ANO10: variants seen among roughly 807,000 people sequenced by gnomAD.
ANO10 encodes anoctamin-10.
Under a neutral mutation model 74.7 loss-of-function variants are expected in ANO10, and 77 were observed. The observed-to-expected ratio is 1.03, with a 90% CI of 0.86 to 1.25. The LOEUF is 1.25. ANO10 is among the 50% of genes most tolerant of loss of function. The pLI is 0.00. For missense variants in ANO10, 721 were observed against 778.1 expected, an observed-to-expected ratio of 0.93 and a Z score of 0.87; for synonymous variants, 279 against 284.9, an observed-to-expected ratio of 0.98 and a Z score of 0.21.
At chr3:43,397,651 CAG>C (rs540750613) in intron 12 of ANO10, among the ~76,000 whole-genome samples, 78 of 152,316 alleles carry the variant, frequency 5.1e-4, no homozygotes, top group African/African-American at 1.8e-3. Flanking sequence ...CTCTGAGCCT[CAG>C]AGAGCTTCCT....
rs140826049 is a variant in ANO10 at position 43,388,736 on chromosome 3, C to T, written c.1915-21762G>A. Reference sequence around the variant, plus strand: ...AAAAAAACTAATGTTTCTGAATTCACAAAGAGGATAAAGGCTAGAACCTAA... The same window carrying T: ...AAAAAAACTAATGTTTCTGAATTCATAAAGAGGATAAAGGCTAGAACCTAA... On this transcript the variant is annotated intron_variant, in intron 12 of 12. Transcript: ENST00000292246. Among the ~76,000 whole-genome samples, 340 of 152,244 alleles carry T rather than the reference C, an allele frequency of 2.2e-3. 1 individual carries two copies. Among genetic ancestry groups the T allele is most frequent in the Non-Finnish European group, 3.8e-3 (256 of 68,016 alleles).
At chr3:43,372,977 G>C in intron 12 of ANO10, 1 of 902,250 alleles carries the variant, frequency 1.1e-6, no homozygotes, top group Non-Finnish European at 1.6e-6. Flanking sequence ...ACATATTCAA[G>C]TTCTTGAAGT....
At chr3:43,518,884 G>A (rs913742944) in intron 11 of ANO10, among the ~76,000 whole-genome samples, 7 of 152,068 alleles carry the variant, frequency 4.6e-5, no homozygotes, top group African/African-American at 1.4e-4. Flanking sequence ...TTCTAATTTC[G>A]CCCTGGTCCT....
At chr3:43,409,875 G>T (rs1034001886) in intron 12 of ANO10, among the ~76,000 whole-genome samples, 3 of 152,152 alleles carry the variant, frequency 2.0e-5, no homozygotes, top group Non-Finnish European at 2.9e-5. Flanking sequence ...GTTTTAAGGG[G>T]ATTTAACTTT....
At chr3:43,390,242 T>C (rs1294440479) in intron 12 of ANO10, among the ~76,000 whole-genome samples, 1 of 152,194 alleles carries the variant, frequency 6.6e-6, no homozygotes, top group Non-Finnish European at 1.5e-5. Flanking sequence ...CCACCACCTC[T>C]GGGTCTCCTC....
chr3:43,574,322 G>A lies in ANO10; in HGVS notation c.1218+487C>T, dbSNP rs572122046. 1.8e-3 allele frequency among the ~76,000 whole-genome samples: 274 copies of A among 150,166 alleles called. 1 individual carries two copies. The highest frequency in any genetic ancestry group is 4.8e-3 in the African/African-American group (196 of 40,744). On this transcript the variant is annotated intron_variant, in intron 7 of 12. Coordinates refer to ENST00000292246, the MANE Select transcript of ANO10 (RefSeq NM_018075.5). ...GTCTCGCTCTGTCACCCAAGCTGGA[G>A]TGCAATGGTACCATCTTGGCTCACT... is the stretch of plus-strand genomic sequence containing the variant.
intron 4 of ANO10, among the ~76,000 whole-genome samples, chr3:43,597,544 T>C (rs1314980866): frequency 6.6e-6 from 1 of 151,504 alleles, no homozygotes; most frequent in Non-Finnish European, 1.5e-5. Context: ...TTCTCACTCA[T>C]AGATGGGAGG....
chr3:43,574,981 G>A, intron 6 of ANO10, 117 bp from the exon 7 acceptor site: 1 of 789,880 alleles, frequency 1.3e-6, no homozygotes, highest in Non-Finnish European at 2.2e-6. Flanking sequence ...GCCTCAGTCA[G>A]TAAATGTACT....
chr3:43,540,893 T>TAA (rs1474180196), intron 11 of ANO10, among the ~76,000 whole-genome samples: 5 of 152,174 alleles, frequency 3.3e-5, no homozygotes, highest in African/African-American at 1.2e-4. Context: ...TTTTAGCACA[T>TAA]AATAAATATG....
chr3:43,635,082 T>G, intron 1 of ANO10, among the ~76,000 whole-genome samples: 1 of 151,396 alleles, frequency 6.6e-6, no homozygotes, highest in African/African-American at 2.4e-5. Flanking sequence ...GAGGGAGGGG[T>G]CATTGATGCA....
Position 43,442,096 on chromosome 3 carries a change from C to T in ANO10, c.1798-9369G>A, listed in dbSNP as rs370724723. On this transcript the variant is annotated intron_variant, in intron 11 of 12. Coordinates refer to ENST00000292246, the MANE Select transcript of ANO10 (RefSeq NM_018075.5). ...TTTCCCTCTAAGATCAGGAACATGG[C>T]GAGGAATGCTTAGTCTTGCCACTTC... Among the ~76,000 whole-genome samples, 8 of 152,040 alleles carry T rather than the reference C, an allele frequency of 5.3e-5. No homozygotes were observed. In the East Asian group the frequency reaches 9.7e-4, roughly 18 times the overall value.
At chr3:43,559,701 A>C (rs1489451789) in intron 9 of ANO10, among the ~76,000 whole-genome samples, 2 of 152,156 alleles carry the variant, frequency 1.3e-5, no homozygotes, top group Non-Finnish European at 2.9e-5. Flanking sequence ...ACAGTGAAAA[A>C]AGGAAAAGAA....
At chr3:43,691,076 G>C in intron 1 of ANO10, 2 of 1,514,716 alleles carry the variant, frequency 1.3e-6, no homozygotes, top group Non-Finnish European at 1.8e-6. Flanking sequence ...TGTGTCTCCG[G>C]CGCGCACCCT....
intron 12 of ANO10, among the ~76,000 whole-genome samples, chr3:43,425,863 A>T (rs1380256279): frequency 6.6e-6 from 1 of 152,212 alleles, no homozygotes; most frequent in East Asian, 1.9e-4. Context: ...TAATACAGCC[A>T]GTCCTTTCCT....
At chr3:43,383,595 A>G (rs1478185540) in intron 12 of ANO10, among the ~76,000 whole-genome samples, 1 of 152,190 alleles carries the variant, frequency 6.6e-6, no homozygotes, top group East Asian at 1.9e-4. Flanking sequence ...CCCTGGTTTC[A>G]TACCTGGGAT....
intron 1 of ANO10, among the ~76,000 whole-genome samples, chr3:43,613,075 AGAGAATTGCTTGAACCTGGGAGGTG>A (rs1317031737): frequency 2.0e-5 from 3 of 151,938 alleles, no homozygotes; most frequent in Non-Finnish European, 4.4e-5. Context: ...GGCTGAAGCA[AGAGAATTGCTTGAACCTGGGAGGTG>A]GAGGTTGCAG....
chr3:43,394,693 G>A lies in ANO10; in HGVS notation c.1915-27719C>T, dbSNP rs545054370. Among the ~76,000 whole-genome samples the A allele has an allele frequency of 9.2e-5, 14 of 152,298 alleles. No homozygotes were observed. In the South Asian group the frequency reaches 1.2e-3, roughly 14 times the overall value. On this transcript the variant is annotated intron_variant, in intron 12 of 12. Coordinates refer to ENST00000292246, the MANE Select transcript of ANO10 (RefSeq NM_018075.5). Reference sequence around the variant, plus strand: ...GCCTATCTTGGCACAACTGAAAAACGCAACAGTGGTTAAGAGAAGGCCACC... The same window carrying A: ...GCCTATCTTGGCACAACTGAAAAACACAACAGTGGTTAAGAGAAGGCCACC...
intron 11 of ANO10, among the ~76,000 whole-genome samples, chr3:43,530,286 C>A (rs975192871): frequency 6.6e-6 from 1 of 151,816 alleles, no homozygotes; most frequent in African/African-American, 2.4e-5. Flanking sequence ...AACAGGAATA[C>A]GCTATTGAAT....
At chr3:43,566,577 C>G (rs1332679798) in intron 7 of ANO10, among the ~76,000 whole-genome samples, 1 of 152,252 alleles carries the variant, frequency 6.6e-6, no homozygotes, top group African/African-American at 2.4e-5. Context: ...CAGGGGTACA[C>G]TGACACCTCA....
Sources: gnomAD v4.1 joint callset for allele counts (sites outside exome capture counted in the v4.1 genomes callset) on GRCh38, gnomAD v4.1.1 for gene constraint, MANE v1.5 for transcripts, NCBI Gene and HGNC (gene_info 2026-07-23, HGNC 2026-07-21) for gene names.